Variants in STXBP5L observed in about 807,000 individuals in gnomAD.
The protein encoded by STXBP5L is syntaxin-binding protein 5-like.
Under a neutral mutation model 144.5 loss-of-function variants are expected in STXBP5L, and 65 were observed. That is an observed-to-expected ratio of 0.45 (90% confidence interval 0.37 to 0.55). The LOEUF is 0.55. Ranked by LOEUF, STXBP5L falls within the 20% of genes least tolerant of loss-of-function variation. The pLI is 0.00. For missense variants in STXBP5L, 1,298 were observed against 1,405.5 expected (o/e 0.92, Z 1.22); for synonymous variants, 505 against 469.6 (o/e 1.08, Z -0.97).
intron 3 of STXBP5L, among the ~76,000 whole-genome samples, chr3:120,973,701 A>T (rs1367665813): frequency 1.2e-5 from 1 of 81,148 alleles, no homozygotes; most frequent in Non-Finnish European, 2.6e-5. Flanking sequence ...CCATCCCCCC[A>T]CCCCACAACA....
chr3:121,286,004 C>A (rs2051218676), intron 19 of STXBP5L, among the ~76,000 whole-genome samples: 1 of 152,046 alleles, frequency 6.6e-6, no homozygotes, highest in Non-Finnish European at 1.5e-5. Flanking sequence ...CATTGCCTAG[C>A]AACAGTTCTA....
intron 3 of STXBP5L, among the ~76,000 whole-genome samples, chr3:121,033,518 A>C (rs923137118): frequency 7.5e-5 from 11 of 145,846 alleles, no homozygotes; most frequent in South Asian, 2.2e-4. Flanking sequence ...ACATGTATAC[A>C]TATGTAACTA....
At chr3:121,208,594 A>G (rs190224958) in intron 10 of STXBP5L, among the ~76,000 whole-genome samples, 66 of 152,244 alleles carry the variant, frequency 4.3e-4, no homozygotes, top group African/African-American at 1.6e-3. Context: ...TATATGACAT[A>G]TATTTTGCCT....
At chr3:121,105,572 G>A (rs961944236) in intron 5 of STXBP5L, among the ~76,000 whole-genome samples, 15 of 152,244 alleles carry the variant, frequency 9.9e-5, no homozygotes, top group African/African-American at 2.9e-4. Flanking sequence ...TGGCGTGGAT[G>A]TGGTGAAAAG....
At chr3:121,123,552 A>G (rs1003112365) in intron 7 of STXBP5L, among the ~76,000 whole-genome samples, 6 of 151,558 alleles carry the variant, frequency 4.0e-5, no homozygotes, top group African/African-American at 1.4e-4. Flanking sequence ...GTACTTATAT[A>G]TTCAAATGCC....
chr3:120,935,723 G>T (rs1048040316), intron 2 of STXBP5L, among the ~76,000 whole-genome samples: 8 of 151,946 alleles, frequency 5.3e-5, no homozygotes, highest in African/African-American at 1.9e-4. Flanking sequence ...TTCCTGAAGA[G>T]AAATCTGATA....
At chr3:121,015,740 G>GA (rs1224750973) in intron 3 of STXBP5L, among the ~76,000 whole-genome samples, 4 of 152,102 alleles carry the variant, frequency 2.6e-5, no homozygotes, top group Admixed American at 6.5e-5. Context: ...TATTTTCCTG[G>GA]AAAAAAGGCT....
chr3:121,313,412 C>G (rs1472778268), intron 19 of STXBP5L, among the ~76,000 whole-genome samples: 1 of 105,016 alleles, frequency 9.5e-6, no homozygotes, highest in Non-Finnish European at 1.9e-5. Flanking sequence ...ACCTCCCTCC[C>G]GGACTGGGCG....
chr3:121,292,404 G>A (rs1389645940), intron 19 of STXBP5L, among the ~76,000 whole-genome samples: 3 of 152,112 alleles, frequency 2.0e-5, no homozygotes, highest in Admixed American at 1.3e-4. Flanking sequence ...TGTTAGCATG[G>A]ATATAGTGAA....
At chr3:121,418,995 T>TG (rs2047305276) in intron 26 of STXBP5L, 61 bp from the exon 27 acceptor site, 7 of 1,547,526 alleles carry the variant, frequency 4.5e-6, no homozygotes, top group Non-Finnish European at 6.1e-6. Context: ...AAAATGGCCT[T>TG]GCTTTGAATA....
At chr3:121,317,985 C>T (rs145239538) in intron 19 of STXBP5L, among the ~76,000 whole-genome samples, 142 of 152,136 alleles carry the variant, frequency 9.3e-4, no homozygotes, top group Middle Eastern at 3.4e-3. Context: ...AAAACCCCTT[C>T]TAATTCTTCT....
intron 9 of STXBP5L, among the ~76,000 whole-genome samples, chr3:121,165,458 C>T (rs1430222538): frequency 1.3e-5 from 2 of 152,100 alleles, no homozygotes; most frequent in South Asian, 4.1e-4. Flanking sequence ...TTCATCCTTT[C>T]TGTGACTTCT....
chr3:120,986,288 C>G (rs1007965085), intron 3 of STXBP5L, among the ~76,000 whole-genome samples: 1 of 151,830 alleles, frequency 6.6e-6, no homozygotes, highest in Non-Finnish European at 1.5e-5. Context: ...TCTAGTGAGA[C>G]TTAATTATTG....
intron 2 of STXBP5L, among the ~76,000 whole-genome samples, chr3:120,910,509 A>G (rs931437756): frequency 2.0e-5 from 3 of 152,160 alleles, no homozygotes; most frequent in African/African-American, 7.2e-5. Flanking sequence ...AGTGATTTAT[A>G]ATTTTATTGC....
At chr3:121,209,946 C>A (rs1162514681) in intron 10 of STXBP5L, among the ~76,000 whole-genome samples, 1 of 152,122 alleles carries the variant, frequency 6.6e-6, no homozygotes. Flanking sequence ...TGGGTATATA[C>A]CCAATAATGG....
intron 5 of STXBP5L, among the ~76,000 whole-genome samples, chr3:121,069,705 T>C (rs1363020119): frequency 2.6e-5 from 4 of 152,332 alleles, no homozygotes; most frequent in East Asian, 3.9e-4. Context: ...TTCTCTGATT[T>C]TTTTTCTAAA....
At chr3:121,230,521 G>A (rs749655257) in intron 11 of STXBP5L, among the ~76,000 whole-genome samples, 1 of 150,336 alleles carries the variant, frequency 6.7e-6, no homozygotes, top group Non-Finnish European at 1.5e-5. Context: ...ATAATTCAGA[G>A]GACACAGGCA....
intron 5 of STXBP5L, among the ~76,000 whole-genome samples, chr3:121,073,983 G>A (rs187012679): frequency 2.8e-4 from 43 of 152,294 alleles, no homozygotes; most frequent in Admixed American, 5.2e-4. Context: ...CACAGAACAC[G>A]AAGGAGGCTT....
intron 10 of STXBP5L, among the ~76,000 whole-genome samples, chr3:121,209,510 G>A (rs1035181649): frequency 6.6e-5 from 10 of 151,934 alleles, no homozygotes; most frequent in Non-Finnish European, 1.3e-4. Context: ...GTATACATGT[G>A]CCATGTTGGT....
Sources: gnomAD v4.1 joint callset for allele counts (sites outside exome capture counted in the v4.1 genomes callset) on GRCh38, gnomAD v4.1.1 for gene constraint, MANE v1.5 for transcripts, NCBI Gene and HGNC (gene_info 2026-07-23, HGNC 2026-07-21) for gene names.